The following FMNL2 variants were observed in gnomAD, a reference collection of about 807,000 sequenced individuals.
FMNL2 encodes the protein formin like 2, also known as formin-like protein 2.
In FMNL2, 51 loss-of-function variants were observed where a neutral mutation model predicts 130.2. The ratio of observed to expected loss-of-function variants is 0.39; its 90% CI spans 0.31 to 0.49. The LOEUF is 0.49. Ranked by LOEUF, FMNL2 falls within the 20% of genes least tolerant of loss-of-function variation. The pLI is 0.85. For synonymous variants in FMNL2, 465 were observed against 467.1 expected (o/e 1.00, Z 0.06); for missense variants, 977 against 1,316.2 (o/e 0.74, Z 3.99).
intron 6 of FMNL2, among the ~76,000 whole-genome samples, chr2:152,570,325 A>C (rs1696106675): frequency 6.6e-6 from 1 of 152,164 alleles, no homozygotes; most frequent in Non-Finnish European, 1.5e-5. Context: ...GTTTTAGTTC[A>C]GTGGAAAATT....
At chr2:152,470,109 A>G (rs765531957) in intron 1 of FMNL2, among the ~76,000 whole-genome samples, 1 of 152,184 alleles carries the variant, frequency 6.6e-6, no homozygotes, top group African/African-American at 2.4e-5. Context: ...ATAGATTTGA[A>G]TAACTTAGCT....
At chr2:152,362,585 G>A (rs138766345) in intron 1 of FMNL2, among the ~76,000 whole-genome samples, 1 of 151,538 alleles carries the variant, frequency 6.6e-6, no homozygotes, top group East Asian at 1.9e-4. Flanking sequence ...CCCACCCCTT[G>A]CTTGCTTTTT....
intron 2 of FMNL2, among the ~76,000 whole-genome samples, chr2:152,531,120 A>G (rs73968061): frequency 1.9e-4 from 29 of 152,268 alleles, no homozygotes; most frequent in African/African-American, 4.6e-4. Context: ...TTCACAATCA[A>G]TTGGACCACA....
chr2:152,485,380 A>G (rs1690763415), intron 1 of FMNL2, among the ~76,000 whole-genome samples: 1 of 152,178 alleles, frequency 6.6e-6, no homozygotes, highest in Admixed American at 6.5e-5. Flanking sequence ...AGTCCCAGCT[A>G]CTTGGAAGGC....
intron 9 of FMNL2, among the ~76,000 whole-genome samples, chr2:152,587,523 A>C (rs1371969485): frequency 6.6e-6 from 1 of 152,196 alleles, no homozygotes; most frequent in East Asian, 1.9e-4. Context: ...AAACTTTATA[A>C]ACTTTTTGAT....
At position 152,401,439 on chromosome 2, in the gene FMNL2, C is replaced by G. The variant is rs1685686847; in HGVS notation, c.117+65719C>G. Reference sequence around the variant, plus strand: ...CACTGCCTTTTCACCTGGTAGATGCCCATGAGTTAGTTGAGTTGAATTGAA... The same window carrying G: ...CACTGCCTTTTCACCTGGTAGATGCGCATGAGTTAGTTGAGTTGAATTGAA... On this transcript the variant is annotated intron_variant, in intron 1 of 25. Coordinates refer to ENST00000288670, the MANE Select transcript of FMNL2 (RefSeq NM_052905.4). 2.0e-5 allele frequency among the ~76,000 whole-genome samples: 3 copies of G among 152,124 alleles called. No individual in the cohort carries two copies. In the South Asian group the frequency reaches 6.2e-4, roughly 32 times the overall value.
At chr2:152,555,169 A>G (rs75427814) in intron 4 of FMNL2, among the ~76,000 whole-genome samples, 2,599 of 152,236 alleles carry the variant, frequency 0.017, 88 homozygotes, top group African/African-American at 0.058. Context: ...AAAACAACTA[A>G]TGTCCTAATA....
chr2:152,616,849 A>G (rs1240145761), intron 12 of FMNL2, among the ~76,000 whole-genome samples: 1 of 152,220 alleles, frequency 6.6e-6, no homozygotes, highest in Non-Finnish European at 1.5e-5. Flanking sequence ...CACACTGTGT[A>G]TGTTGAACAC....
At chr2:152,463,962 TCGCTCTATCA>T (rs1414356392) in intron 1 of FMNL2, among the ~76,000 whole-genome samples, 1 of 152,218 alleles carries the variant, frequency 6.6e-6, no homozygotes, top group African/African-American at 2.4e-5. Context: ...AGATGGAGTC[TCGCTCTATCA>T]CCCAAGCTGG....
chr2:152,639,051 T>A (rs1282506913), intron 23 of FMNL2, among the ~76,000 whole-genome samples: 1 of 34,632 alleles, frequency 2.9e-5, no homozygotes, highest in Non-Finnish European at 8.1e-5. Flanking sequence ...TCACTGTTCC[T>A]CCCTGTGATT....
chr2:152,400,524 C>G (rs987251040), intron 1 of FMNL2, among the ~76,000 whole-genome samples: 5 of 152,120 alleles, frequency 3.3e-5, no homozygotes, highest in African/African-American at 4.8e-5. Flanking sequence ...ATGAGCAAAA[C>G]TTAAATTTTA....
chr2:152,369,238 G>A (rs1683735639), intron 1 of FMNL2, among the ~76,000 whole-genome samples: 1 of 152,206 alleles, frequency 6.6e-6, no homozygotes, highest in Non-Finnish European at 1.5e-5. Context: ...ACAGCAGGAG[G>A]AGACAATAGT....
intron 1 of FMNL2, among the ~76,000 whole-genome samples, chr2:152,355,082 A>G (rs1682708623): frequency 6.6e-6 from 1 of 152,226 alleles, no homozygotes; most frequent in Admixed American, 6.5e-5. Context: ...AAATAATAGC[A>G]TGCCTGGCCT....
chr2:152,514,791 C>T (rs1480940075), intron 1 of FMNL2, among the ~76,000 whole-genome samples: 1 of 152,096 alleles, frequency 6.6e-6, no homozygotes, highest in African/African-American at 2.4e-5. Flanking sequence ...TTATTGTTCT[C>T]CACGAACCTA....
chr2:152,375,971 C>G (rs1415787863), intron 1 of FMNL2, among the ~76,000 whole-genome samples: 5 of 150,968 alleles, frequency 3.3e-5, no homozygotes. Context: ...TCTGCTCACC[C>G]CAACCTCTGC....
At chr2:152,617,564 T>G (rs1699022879) in intron 13 of FMNL2, among the ~76,000 whole-genome samples, 1 of 152,234 alleles carries the variant, frequency 6.6e-6, no homozygotes, top group Non-Finnish European at 1.5e-5. Context: ...CTTTGTATTT[T>G]TTTGCTTTGC....
At chr2:152,369,536 T>C (rs1187804793) in intron 1 of FMNL2, among the ~76,000 whole-genome samples, 1 of 152,152 alleles carries the variant, frequency 6.6e-6, no homozygotes, top group African/African-American at 2.4e-5. Context: ...TCCTCAAAAT[T>C]TGTGGGTCTG....
chr2:152,386,398 T>C (rs1174929272), intron 1 of FMNL2, among the ~76,000 whole-genome samples: 1 of 152,242 alleles, frequency 6.6e-6, no homozygotes, highest in Non-Finnish European at 1.5e-5. Flanking sequence ...GCCACTTGTC[T>C]TGTCATCTTC....
chr2:152,540,014 T>C (rs1018189652), intron 2 of FMNL2, among the ~76,000 whole-genome samples: 3 of 152,250 alleles, frequency 2.0e-5, no homozygotes, highest in Non-Finnish European at 4.4e-5. Flanking sequence ...TGCTTGAACC[T>C]GGGAAGTCGA....
Sources: allele counts gnomAD v4.1 joint callset (sites outside exome capture counted in the v4.1 genomes callset), GRCh38; gene constraint gnomAD v4.1.1; transcripts MANE v1.5; gene names NCBI Gene and HGNC (gene_info 2026-07-23, HGNC 2026-07-21).